The following CCDC18 variants were observed in gnomAD, a reference collection of about 807,000 sequenced individuals.
The protein encoded by CCDC18 is coiled-coil domain containing 18.
In CCDC18, 157 loss-of-function variants were observed where a neutral mutation model predicts 196.0. The observed-to-expected ratio is 0.80, with a 90% CI of 0.70 to 0.91. CCDC18 has a LOEUF of 0.91. CCDC18 is among the 40% of genes least tolerant of loss of function. The pLI is 0.00. For synonymous variants in CCDC18, 482 were observed against 529.2 expected (o/e 0.91, Z 1.22); for missense variants, 1,465 against 1,611.6 (o/e 0.91, Z 1.56).
Position 93,193,717 on chromosome 1 carries a change from T to G in CCDC18, c.671T>G (p.Leu224Ter), listed in dbSNP as rs1571357790. 14 of 1,579,018 alleles carry G rather than the reference T, an allele frequency of 8.9e-6. No individual in the cohort carries two copies. Among genetic ancestry groups the G allele is most frequent in the South Asian group, 1.2e-5 (1 of 84,520 alleles). ...GAATGTATAAAATTAAAGGTGGACT[T>G]ACTTGAACAAACCAAACAAGGAAAA... The part of the protein sequence containing the change: ...KEECIKLKVD[L>*]LEQTKQGKRA... The change falls in exon 6 of 29, where the codon TTA (leucine) becomes TGA (stop). Residue 224 changes from leucine (L) to a stop codon, truncating the protein, a stop_gained. Coordinates refer to ENST00000690025, the MANE Select transcript of CCDC18 (RefSeq NM_001378204.1). LOFTEE classifies it high-confidence loss of function.
chr1:93,250,002 T>C (rs1343026175), intron 23 of CCDC18, among the ~76,000 whole-genome samples: 3 of 152,178 alleles, frequency 2.0e-5, no homozygotes, highest in Non-Finnish European at 4.4e-5. Flanking sequence ...TGCATTTGTT[T>C]ACATTTTATG....
chr1:93,208,330 T>A, intron 9 of CCDC18, among the ~76,000 whole-genome samples: 1 of 91,494 alleles, frequency 1.1e-5, no homozygotes, highest in South Asian at 4.2e-4. Context: ...TTTTCTTTTT[T>A]TTTGTTTGTT....
chr1:93,236,379 T>TG lies in CCDC18; in HGVS notation c.2594dup (p.Thr866HisfsTer8). 6.3e-7 allele frequency: 1 copy of TG among 1,592,694 alleles called. No homozygotes were observed. Among genetic ancestry groups the TG allele is most frequent in the Non-Finnish European group, 8.5e-7 (1 of 1,173,508 alleles). ...AAAGGCAAAAAGTGATTGAGCTTAC[T>TG]GGCACTGCCAGGTAAAATGTGAATA... On this transcript the variant is annotated frameshift_variant, in exon 19 of 29. Transcript: ENST00000690025. LOFTEE classifies it high-confidence loss of function.
intron 19 of CCDC18, among the ~76,000 whole-genome samples, chr1:93,238,594 C>T (rs1660356634): frequency 6.6e-6 from 1 of 152,092 alleles, no homozygotes; most frequent in South Asian, 2.1e-4. Context: ...CTCTTCCTAC[C>T]ATTGAGGGTA....
intron 6 of CCDC18, among the ~76,000 whole-genome samples, chr1:93,198,896 T>C (rs1653275198): frequency 6.6e-6 from 1 of 152,184 alleles, no homozygotes; most frequent in Admixed American, 6.5e-5. Flanking sequence ...GTCCTCTTGC[T>C]TTGGCCTCCT....
At chr1:93,182,343 C>T (rs1649863805) in intron 1 of CCDC18, among the ~76,000 whole-genome samples, 2 of 152,106 alleles carry the variant, frequency 1.3e-5, no homozygotes, top group Admixed American at 6.5e-5. Context: ...GTTTAGTATT[C>T]GTTAATTCAT....
At chr1:93,239,251 G>T in intron 19 of CCDC18, 59 bp from the exon 20 acceptor site, 1 of 1,291,604 alleles carries the variant, frequency 7.7e-7, no homozygotes, top group South Asian at 1.9e-5. Context: ...TTTTTAGTCA[G>T]AGACAAGTTA....
intron 21 of CCDC18, among the ~76,000 whole-genome samples, chr1:93,244,957 C>G (rs1661298389): frequency 6.6e-6 from 1 of 152,192 alleles, no homozygotes; most frequent in Non-Finnish European, 1.5e-5. Context: ...TGACTACCCA[C>G]TCTAAAGTAG....
chr1:93,193,690 A>G lies in CCDC18; in HGVS notation c.644A>G (p.Glu215Gly), dbSNP rs779500904. 1.3e-6 allele frequency: 2 copies of G among 1,590,458 alleles called. No individual in the cohort carries two copies. Among genetic ancestry groups the G allele is most frequent in the East Asian group, 4.6e-5 (2 of 43,174 alleles). The stretch of plus-strand genomic sequence containing the variant: ...GAACAGAGTTTGCAGGAGTCCAAAG[A>G]GGAATGTATAAAATTAAAGGTGGAC... The part of the protein sequence containing the change: ...EKEQSLQESK[E>G]ECIKLKVDLL... The change falls in exon 6 of 29, where the codon GAG (glutamate) becomes GGG (glycine). Residue 215 changes from glutamate (E) to glycine (G), a missense_variant. Glu to Gly is a moderately conservative substitution (Grantham distance 98, BLOSUM62 -2). Transcript: ENST00000690025.
Position 93,232,366 on chromosome 1 carries a change from T to A in CCDC18, c.2293-60T>A, listed in dbSNP as rs1659363361. 4.8e-6 allele frequency: 5 copies of A among 1,041,746 alleles called. No homozygotes were observed. In the South Asian group the frequency reaches 8.3e-5, roughly 17 times the overall value. 64.5% of individuals were successfully genotyped at this position (1,041,746 alleles called of 1,614,324 possible). A position where few individuals can be genotyped will look rare whatever the true frequency, so the allele number is the denominator to read the frequency against. ...TAATAAGGAGGACAGCTTTGACATT[T>A]TATTGCCATTTATTTGAAACATTGC... On this transcript the variant is annotated intron_variant, in intron 17 of 28. Coordinates refer to ENST00000690025, the MANE Select transcript of CCDC18 (RefSeq NM_001378204.1).
chr1:93,212,171 C>CA lies in CCDC18; in HGVS notation c.1406dup (p.Ser470GlufsTer6). 1.2e-6 allele frequency: 2 copies of CA among 1,611,204 alleles called. No individual in the cohort carries two copies. The highest frequency in any genetic ancestry group is 1.7e-6 in the Non-Finnish European group (2 of 1,178,966). ...AAACCTGACTGCAAATCAGTTATCT[C>CA]AGAGTCTTATTACTTGTAATGACAG... On this transcript the variant is annotated frameshift_variant, in exon 11 of 29. Coordinates refer to ENST00000690025, the MANE Select transcript of CCDC18 (RefSeq NM_001378204.1). LOFTEE classifies it high-confidence loss of function.
intron 9 of CCDC18, among the ~76,000 whole-genome samples, chr1:93,209,061 C>G (rs1571432945): frequency 6.6e-6 from 1 of 152,140 alleles, no homozygotes; most frequent in Non-Finnish European, 1.5e-5. Flanking sequence ...TGGGTTCAAG[C>G]GATTCTCCTG....
At chr1:93,252,143 T>C (rs949293304) in intron 23 of CCDC18, among the ~76,000 whole-genome samples, 2 of 152,092 alleles carry the variant, frequency 1.3e-5, no homozygotes, top group Admixed American at 1.3e-4. Context: ...GCTCAAAGAA[T>C]CCTCCCACTT....
intron 19 of CCDC18, among the ~76,000 whole-genome samples, chr1:93,238,023 C>A (rs1660286295): frequency 6.6e-6 from 1 of 151,622 alleles, no homozygotes; most frequent in South Asian, 2.1e-4. Flanking sequence ...TGTAGTGATA[C>A]CCTAATGAAA....
intron 17 of CCDC18, 47 bp downstream of exon 17, chr1:93,226,496 T>C: frequency 1.3e-6 from 1 of 780,896 alleles, no homozygotes; most frequent in Non-Finnish European, 2.1e-6. Context: ...CAAGTGATTT[T>C]TTTTAAGAAG....
intron 17 of CCDC18, among the ~76,000 whole-genome samples, 170 bp from the exon 18 acceptor site, chr1:93,232,256 C>G (rs997145567): frequency 6.6e-6 from 1 of 152,120 alleles, no homozygotes; most frequent in Non-Finnish European, 1.5e-5. Context: ...AGTACATCTC[C>G]CCATTAGAAA....
At chr1:93,270,303 A>T in intron 27 of CCDC18, 44 bp from the exon 28 acceptor site, 1 of 1,134,214 alleles carries the variant, frequency 8.8e-7, no homozygotes, top group South Asian at 1.6e-5. Flanking sequence ...CATTCATTTA[A>T]CAAAAATGTA....
chr1:93,223,228 T>C (rs1657736104), intron 16 of CCDC18, among the ~76,000 whole-genome samples: 2 of 152,178 alleles, frequency 1.3e-5, no homozygotes, highest in South Asian at 4.1e-4. Flanking sequence ...AATAGCCAGA[T>C]ATGAGATGGA....
chr1:93,181,159 T>TTTAAAAAAA (rs777168910), intron 1 of CCDC18, among the ~76,000 whole-genome samples: 1 of 89,858 alleles, frequency 1.1e-5, no homozygotes, highest in African/African-American at 4.3e-5. Context: ...TCTATAAAAT[T>TTTAAAAAAA]AAAAAAAAAA....
Sources: gnomAD v4.1 joint callset for allele counts (sites outside exome capture counted in the v4.1 genomes callset) on GRCh38, gnomAD v4.1.1 for gene constraint, MANE v1.5 for transcripts, NCBI Gene and HGNC (gene_info 2026-07-23, HGNC 2026-07-21) for gene names.